PPP2R2B: variants seen among roughly 807,000 people sequenced by gnomAD.
PPP2R2B encodes the protein protein phosphatase 2 regulatory subunit Bbeta, also known as serine/threonine-protein phosphatase 2A 55 kDa regulatory subunit B beta isoform.
A neutral mutation model predicts 46.0 loss-of-function variants in PPP2R2B; 5 were observed. That is an observed-to-expected ratio of 0.11 (90% CI 0.06 to 0.23). The LOEUF (loss-of-function observed/expected upper bound fraction) is 0.23, where lower values mean the gene tolerates loss of function less well. Ranked by LOEUF, PPP2R2B falls within the 10% of genes least tolerant of loss-of-function variation. The pLI is 1.00. For missense variants in PPP2R2B, 367 were observed against 575.0 expected, an observed-to-expected ratio of 0.64 and a Z score of 3.70; for synonymous variants, 215 against 206.7, an observed-to-expected ratio of 1.04 and a Z score of -0.34.
intron 2 of PPP2R2B, among the ~76,000 whole-genome samples, chr5:146,724,861 G>C (rs1009953349): frequency 6.6e-6 from 1 of 152,012 alleles, no homozygotes; most frequent in African/African-American, 2.4e-5. Flanking sequence ...ATAATTCCTA[G>C]TGCTTCTCTT....
chr5:146,958,874 T>C (rs756922134), intron 1 of PPP2R2B, among the ~76,000 whole-genome samples: 10 of 152,190 alleles, frequency 6.6e-5, no homozygotes, highest in Non-Finnish European at 1.3e-4. Context: ...TGCAATAGGT[T>C]CTATTATTTC....
At chr5:146,651,841 A>C (rs1581795269) in intron 5 of PPP2R2B, among the ~76,000 whole-genome samples, 2 of 152,288 alleles carry the variant, frequency 1.3e-5, no homozygotes, top group Non-Finnish European at 2.9e-5. Context: ...CAAAAGTTAA[A>C]TTTTCTGAAG....
At chr5:146,659,297 G>A (rs917285542) in intron 5 of PPP2R2B, among the ~76,000 whole-genome samples, 1 of 152,180 alleles carries the variant, frequency 6.6e-6, no homozygotes, top group African/African-American at 2.4e-5. Flanking sequence ...ACATTACAAT[G>A]GAAATGCTTA....
In PPP2R2B at chr5:147,078,908, G is replaced by T. The variant is rs374875883; in HGVS notation, c.50+2151C>A. ...TCTCTATTGTTTAAAAAGTTCAAAT[G>T]ATTTTGAATCATGGCCAAGATTTAA... On this transcript the variant is annotated intron_variant, in intron 2 of 10. Coordinates refer to the PPP2R2B transcript ENST00000394413. 4.6e-5 allele frequency among the ~76,000 whole-genome samples: 7 copies of T among 151,814 alleles called. 1 individual carries two copies. The highest frequency in any genetic ancestry group is 1.7e-4 in the African/African-American group (7 of 41,452).
At chr5:146,775,537 C>A (rs1398876599) in intron 2 of PPP2R2B, among the ~76,000 whole-genome samples, 3 of 152,008 alleles carry the variant, frequency 2.0e-5, no homozygotes, top group African/African-American at 4.8e-5. Flanking sequence ...AGGAACAAGA[C>A]AAAGATGTCT....
intron 1 of PPP2R2B, among the ~76,000 whole-genome samples, chr5:146,987,463 TA>T (rs1753484685): frequency 6.6e-6 from 1 of 152,064 alleles, no homozygotes; most frequent in South Asian, 2.1e-4. Flanking sequence ...TAAACTGAAA[TA>T]TCCAAAAGAC....
chr5:147,026,020 C>T (rs1023972450), intron 1 of PPP2R2B, among the ~76,000 whole-genome samples: 1 of 152,070 alleles, frequency 6.6e-6, no homozygotes, highest in African/African-American at 2.4e-5. Flanking sequence ...AACTTTCATA[C>T]ATTGCTGGTG....
At chr5:146,911,610 C>A (rs1279127961) in intron 1 of PPP2R2B, among the ~76,000 whole-genome samples, 1 of 152,148 alleles carries the variant, frequency 6.6e-6, no homozygotes, top group Non-Finnish European at 1.5e-5. Flanking sequence ...GCTATCCTAG[C>A]CAGGGACGAG....
intron 1 of PPP2R2B, among the ~76,000 whole-genome samples, chr5:146,912,577 G>T (rs1311919613): frequency 6.6e-6 from 1 of 150,572 alleles, no homozygotes; most frequent in Non-Finnish European, 1.5e-5. Context: ...GCAGTGGCAC[G>T]ATCTCGGCTC....
At chr5:147,055,459 T>C (rs555913669) in intron 1 of PPP2R2B, among the ~76,000 whole-genome samples, 8 of 152,360 alleles carry the variant, frequency 5.3e-5, no homozygotes, top group African/African-American at 1.4e-4. Context: ...TCTGCAACAT[T>C]ATTCTGTTCT....
At chr5:146,737,600 T>C (rs1307674449) in intron 2 of PPP2R2B, among the ~76,000 whole-genome samples, 5 of 152,186 alleles carry the variant, frequency 3.3e-5, no homozygotes, top group Non-Finnish European at 7.3e-5. Flanking sequence ...ATTCCGCTTT[T>C]TTTTGCCACA....
intron 2 of PPP2R2B, among the ~76,000 whole-genome samples, chr5:146,827,650 A>G (rs1394895068): frequency 2.0e-5 from 3 of 152,216 alleles, no homozygotes; most frequent in Admixed American, 6.5e-5. Flanking sequence ...TTCTAACAAA[A>G]TGAGAAAATA....
At chr5:146,672,415 T>C (rs917538310) in intron 5 of PPP2R2B, among the ~76,000 whole-genome samples, 5 of 152,006 alleles carry the variant, frequency 3.3e-5, no homozygotes, top group Admixed American at 6.6e-5. Flanking sequence ...GGGAAGGGGC[T>C]CAAAGGGTTT....
chr5:146,664,338 G>A (rs564423583), intron 5 of PPP2R2B, among the ~76,000 whole-genome samples: 63 of 152,060 alleles, frequency 4.1e-4, no homozygotes, highest in Non-Finnish European at 5.6e-4. Flanking sequence ...TAATATTGAC[G>A]TGATATTCTA....
At chr5:147,009,899 A>ACACATG (rs35321883) in intron 1 of PPP2R2B, among the ~76,000 whole-genome samples, 1 of 79,256 alleles carries the variant, frequency 1.3e-5, no homozygotes, top group Admixed American at 9.8e-5. Context: ...ACACACACAC[A>ACACATG]TATATATATA....
chr5:146,727,172 T>C (rs1203465008), intron 2 of PPP2R2B, among the ~76,000 whole-genome samples: 1 of 152,100 alleles, frequency 6.6e-6, no homozygotes, highest in Non-Finnish European at 1.5e-5. Flanking sequence ...AAGGTCTCAT[T>C]GTATTAGCTC....
At chr5:147,035,355 C>G in intron 1 of PPP2R2B, 1 of 284,032 alleles carries the variant, frequency 3.5e-6, no homozygotes, top group South Asian at 2.8e-5. Context: ...AAGGCCTCCC[C>G]CATGATCCAA....
At chr5:147,010,960 C>G (rs1259301013) in intron 1 of PPP2R2B, among the ~76,000 whole-genome samples, 1 of 152,144 alleles carries the variant, frequency 6.6e-6, no homozygotes, top group African/African-American at 2.4e-5. Flanking sequence ...CTTCAGAAAC[C>G]TGACTCAGGC....
At chr5:146,642,231 A>C (rs972469969) in intron 6 of PPP2R2B, among the ~76,000 whole-genome samples, 1 of 152,336 alleles carries the variant, frequency 6.6e-6, no homozygotes, top group Middle Eastern at 3.4e-3. Context: ...GGCCTAAGGC[A>C]TCATTTAAAA....
Sources: gnomAD v4.1 joint callset for allele counts (sites outside exome capture counted in the v4.1 genomes callset) on GRCh38, gnomAD v4.1.1 for gene constraint, MANE v1.5 for transcripts, NCBI Gene and HGNC (gene_info 2026-07-23, HGNC 2026-07-21) for gene names.